The following SPRR2B variants were observed in gnomAD, a reference collection of about 807,000 sequenced individuals.
SPRR2B encodes small proline-rich protein 2B.
Under a neutral mutation model 1.0 loss-of-function variants are expected in SPRR2B, and 1 was observed. That is an observed-to-expected ratio of 1.01 (90% CI 0.36 to 4.77). SPRR2B has a LOEUF of 4.77. SPRR2B is among the 30% of genes most tolerant of loss of function. The probability of loss-of-function intolerance (pLI) is 0.16; values close to 1 mark genes in which losing one functional copy is unlikely to be tolerated. For missense variants in SPRR2B, 53 were observed against 88.7 expected (o/e 0.60, Z 1.62); for synonymous variants, 27 against 33.4 (o/e 0.81, Z 0.66).
the SPRR2B span, among the ~76,000 whole-genome samples, chr1:153,081,454 G>T: frequency 6.6e-6 from 1 of 152,186 alleles, no homozygotes; most frequent in Non-Finnish European, 1.5e-5. Flanking sequence ...CAGCAAAATT[G>T]TCCTTTAAAA....
the SPRR2B span, among the ~76,000 whole-genome samples, chr1:153,087,041 A>G: frequency 1.3e-5 from 2 of 152,274 alleles, no homozygotes; most frequent in South Asian, 4.1e-4. Flanking sequence ...ACATACCAGA[A>G]TCTCTGGGAC....
At chr1:153,083,558 G>T in the SPRR2B span, among the ~76,000 whole-genome samples, 2 of 152,162 alleles carry the variant, frequency 1.3e-5, no homozygotes, top group African/African-American at 4.8e-5. Context: ...CAGAGGGAAG[G>T]CACTGAGAGT....
the SPRR2B span, among the ~76,000 whole-genome samples, chr1:153,082,701 G>A: frequency 0.34 from 51,892 of 151,630 alleles, 10,056 homozygotes; most frequent in Non-Finnish European, 0.45. Context: ...ATGGGTTGCA[G>A]CAAAAAGCAG....
the SPRR2B span, among the ~76,000 whole-genome samples, chr1:153,082,006 T>C: frequency 6.6e-6 from 1 of 152,016 alleles, no homozygotes; most frequent in African/African-American, 2.4e-5. Flanking sequence ...GTAGAGACAG[T>C]GCATCCTGCC....
At chr1:153,081,830 T>TTTTC in the SPRR2B span, among the ~76,000 whole-genome samples, 3 of 113,452 alleles carry the variant, frequency 2.6e-5, no homozygotes, top group African/African-American at 9.1e-5. Flanking sequence ...CTTTTCTTTT[T>TTTTC]TTTTTTTTTT....
At chr1:153,083,674 G>A in the SPRR2B span, among the ~76,000 whole-genome samples, 4 of 152,286 alleles carry the variant, frequency 2.6e-5, no homozygotes, top group East Asian at 7.7e-4. Context: ...GTGACTCCAG[G>A]GGAACAGCTG....
chr1:153,087,228 C>T, the SPRR2B span, among the ~76,000 whole-genome samples: 1 of 151,722 alleles, frequency 6.6e-6, no homozygotes, highest in East Asian at 1.9e-4. Context: ...TGCAGTGAGT[C>T]GAGATCACGC....
the SPRR2B span, among the ~76,000 whole-genome samples, chr1:153,084,259 C>A: frequency 6.6e-6 from 1 of 152,104 alleles, no homozygotes; most frequent in Non-Finnish European, 1.5e-5. Context: ...TTTTGCTTTC[C>A]TCTCCCCACC....
upstream of SPRR2B, among the ~76,000 whole-genome samples, chr1:153,073,252 C>T (rs11205181): frequency 0.32 from 48,880 of 152,170 alleles, 9,526 homozygotes; most frequent in Non-Finnish European, 0.45. Flanking sequence ...AATGTGTCCA[C>T]ATGTCAAGTA....
the SPRR2B span, among the ~76,000 whole-genome samples, chr1:153,080,893 T>G: frequency 6.6e-6 from 1 of 152,224 alleles, no homozygotes; most frequent in Non-Finnish European, 1.5e-5. Flanking sequence ...TACCAACATG[T>G]CCTTCAATAA....
chr1:153,084,815 C>A, the SPRR2B span, among the ~76,000 whole-genome samples: 1 of 152,170 alleles, frequency 6.6e-6, no homozygotes, highest in African/African-American at 2.4e-5. Context: ...AGCACCTCAG[C>A]CTCCATAGCA....
chr1:153,078,134 T>C, the SPRR2B span, among the ~76,000 whole-genome samples: 1 of 152,118 alleles, frequency 6.6e-6, no homozygotes, highest in Admixed American at 6.5e-5. Context: ...ATTGGAAGAA[T>C]GAATTAAAAA....
upstream of SPRR2B, among the ~76,000 whole-genome samples, chr1:153,071,619 GGC>G (rs1654668975): frequency 6.6e-6 from 1 of 152,110 alleles, no homozygotes; most frequent in South Asian, 2.1e-4. Flanking sequence ...TTAGGAGTTG[GGC>G]AGCAGAGAAC....
upstream of SPRR2B, among the ~76,000 whole-genome samples, chr1:153,075,711 T>C (rs148152656): frequency 6.8e-3 from 1,042 of 152,324 alleles, 14 homozygotes; most frequent in South Asian, 0.019. Context: ...TCAAGTTGTT[T>C]ATGGCTGAGA....
chr1:153,074,062 C>T (rs950085510), upstream of SPRR2B, among the ~76,000 whole-genome samples: 1 of 152,174 alleles, frequency 6.6e-6, no homozygotes, highest in Admixed American at 6.5e-5. Flanking sequence ...TACCACAAGG[C>T]TCCTCTGCTC....
At chr1:153,085,943 G>A in the SPRR2B span, among the ~76,000 whole-genome samples, 2 of 152,116 alleles carry the variant, frequency 1.3e-5, no homozygotes, top group Admixed American at 6.5e-5. Flanking sequence ...AGCTTCATAA[G>A]TTAAAGAGAA....
At chr1:153,082,087 T>C in the SPRR2B span, among the ~76,000 whole-genome samples, 3 of 152,138 alleles carry the variant, frequency 2.0e-5, no homozygotes, top group African/African-American at 7.2e-5. Context: ...TAAACGGGTG[T>C]TAATTCAAAT....
At position 153,070,611 on chromosome 1, in the gene SPRR2B, C is replaced by T. The variant is rs368525974; in HGVS notation, c.*10G>A. 7.4e-5 allele frequency: 119 copies of T among 1,610,670 alleles called. No homozygotes were observed. The highest frequency in any genetic ancestry group is 9.0e-5 in the Non-Finnish European group (106 of 1,179,236). ...TTATCCTCTCATGCTCCTGATGAAT[C>T]CTGAAGCTGTTACTTGCTCTTCGGT... On this transcript the variant is annotated 3_prime_UTR_variant, in exon 2 of 2. Transcript: ENST00000368755.
chr1:153,073,811 G>A (rs1332710253), upstream of SPRR2B, among the ~76,000 whole-genome samples: 3 of 151,660 alleles, frequency 2.0e-5, no homozygotes, highest in African/African-American at 7.3e-5. Flanking sequence ...GATAGCCTTA[G>A]GTTCATTCCT....
Sources: gnomAD v4.1 joint callset for allele counts (sites outside exome capture counted in the v4.1 genomes callset) on GRCh38, gnomAD v4.1.1 for gene constraint, MANE v1.5 for transcripts, NCBI Gene and HGNC (gene_info 2026-07-23, HGNC 2026-07-21) for gene names.